Variants in HLF observed in about 807,000 individuals in gnomAD.
The protein encoded by HLF is hepatic leukemia factor.
A neutral mutation model predicts 22.6 loss-of-function variants in HLF; 3 were observed. The observed-to-expected ratio is 0.13, with a 90% CI of 0.06 to 0.34. HLF has a LOEUF of 0.34. HLF is among the 10% of genes least tolerant of loss of function. The pLI, the probability that HLF is intolerant of heterozygous loss-of-function variation, is 1.00. For missense variants in HLF, 299 were observed against 389.2 expected (o/e 0.77, Z 1.95); for synonymous variants, 151 against 151.8 (o/e 0.99, Z 0.04).
chr17:55,304,975 C>T (rs922508696), intron 2 of HLF, among the ~76,000 whole-genome samples: 1 of 152,220 alleles, frequency 6.6e-6, no homozygotes, highest in African/African-American at 2.4e-5. Flanking sequence ...GAAAGGGGCT[C>T]AGGCCAGAGT....
At chr17:55,299,078 A>G (rs2081134375) in intron 2 of HLF, among the ~76,000 whole-genome samples, 1 of 152,242 alleles carries the variant, frequency 6.6e-6, no homozygotes, top group Non-Finnish European at 1.5e-5. Context: ...GAATACTTAC[A>G]TGAAGCAGAC....
intron 3 of HLF, chr17:55,318,813 C>G (rs1211843392): frequency 1.3e-5 from 2 of 152,372 alleles, no homozygotes; most frequent in Non-Finnish European, 2.9e-5. Context: ...TAACTTCCAT[C>G]AGAACTGGAG....
At position 55,321,716 on chromosome 17, in the gene HLF, G is replaced by A. The variant is rs1905268711; in HGVS notation, c.*837G>A. On this transcript the variant is annotated 3_prime_UTR_variant, in exon 4 of 4. Coordinates refer to ENST00000226067, the MANE Select transcript of HLF (RefSeq NM_002126.5). ...TTTAAAAAACAAAAAGTAAAGTAATGCATTTGAGCATGGCCAGACTATTCC... is the reference window on the plus strand; with the variant it reads ...TTTAAAAAACAAAAAGTAAAGTAATACATTTGAGCATGGCCAGACTATTCC... The A allele has an allele frequency of 4.4e-6, 1 of 229,658 alleles. No individual in the cohort carries two copies. Among genetic ancestry groups the A allele is most frequent in the Non-Finnish European group, 8.6e-6 (1 of 115,634 alleles). 14.2% of individuals were successfully genotyped at this position (229,658 alleles called of 1,614,324 possible).
chr17:55,297,412 A>G (rs1372218816), intron 2 of HLF, among the ~76,000 whole-genome samples: 1 of 152,206 alleles, frequency 6.6e-6, no homozygotes, highest in Non-Finnish European at 1.5e-5. Context: ...AGGTTGGCAC[A>G]TAGCTTTGGG....
At chr17:55,294,393 G>A (rs1750611643) in intron 2 of HLF, among the ~76,000 whole-genome samples, 1 of 152,202 alleles carries the variant, frequency 6.6e-6, no homozygotes, top group African/African-American at 2.4e-5. Context: ...TCAGCCAGGT[G>A]AGTGGAGGAA....
At chr17:55,288,730 T>TG (rs2081030568) in intron 2 of HLF, among the ~76,000 whole-genome samples, 2 of 148,580 alleles carry the variant, frequency 1.3e-5, no homozygotes, top group Non-Finnish European at 3.0e-5. Flanking sequence ...TACTCCAGCC[T>TG]GGGCAACAGA....
intron 2 of HLF, among the ~76,000 whole-genome samples, chr17:55,305,197 C>G (rs1840081818): frequency 6.6e-6 from 1 of 152,206 alleles, no homozygotes; most frequent in Non-Finnish European, 1.5e-5. Context: ...CTGGCCTATC[C>G]AGAAGCTCCT....
In HLF at chr17:55,321,209, A is replaced by G; in HGVS notation, c.*330A>G. The G allele has an allele frequency of 3.5e-6, 1 of 283,770 alleles. No individual in the cohort carries two copies. The highest frequency in any genetic ancestry group is 6.7e-6 in the Non-Finnish European group (1 of 149,486). 17.6% of individuals were successfully genotyped at this position (283,770 alleles called of 1,614,324 possible). Reference sequence around the variant, plus strand: ...GGGTCTCCCATCCCCTCCCTCCTTCACTCCTGCCTCCTCAGCTTTGCTTCA... The same window carrying G: ...GGGTCTCCCATCCCCTCCCTCCTTCGCTCCTGCCTCCTCAGCTTTGCTTCA... On this transcript the variant is annotated 3_prime_UTR_variant, in exon 4 of 4. Coordinates refer to ENST00000226067, the MANE Select transcript of HLF (RefSeq NM_002126.5).
chr17:55,298,890 A>G (rs938928212), intron 2 of HLF, among the ~76,000 whole-genome samples: 1 of 152,222 alleles, frequency 6.6e-6, no homozygotes, highest in Non-Finnish European at 1.5e-5. Context: ...TGCATGCTCA[A>G]TGAATGTTAA....
Position 55,321,209 on chromosome 17 carries a change from A to T in HLF, c.*330A>T. ...GGGTCTCCCATCCCCTCCCTCCTTC[A>T]CTCCTGCCTCCTCAGCTTTGCTTCA... On this transcript the variant is annotated 3_prime_UTR_variant, in exon 4 of 4. Coordinates refer to ENST00000226067, the MANE Select transcript of HLF (RefSeq NM_002126.5). The T allele has an allele frequency of 7.0e-6, 2 of 283,770 alleles. No individual in the cohort carries two copies. Among genetic ancestry groups the T allele is most frequent in the Non-Finnish European group, 6.7e-6 (1 of 149,486 alleles). The allele number at this position is 283,770 out of a possible 1,614,324, so 17.6% of individuals were successfully genotyped here.
chr17:55,305,476 G>C (rs1904503526), intron 2 of HLF, among the ~76,000 whole-genome samples: 5 of 152,232 alleles, frequency 3.3e-5, no homozygotes, highest in Non-Finnish European at 1.5e-5. Flanking sequence ...TATTGGGCTA[G>C]AGTGGAGGGG....
At chr17:55,299,019 C>G (rs2081133851) in intron 2 of HLF, among the ~76,000 whole-genome samples, 1 of 152,150 alleles carries the variant, frequency 6.6e-6, no homozygotes, top group Non-Finnish European at 1.5e-5. Flanking sequence ...CCCATGATAC[C>G]TCATCACAAA....
intron 2 of HLF, among the ~76,000 whole-genome samples, chr17:55,281,903 C>T (rs1461221402): frequency 1.3e-5 from 2 of 152,094 alleles, no homozygotes; most frequent in Non-Finnish European, 2.9e-5. Flanking sequence ...AAATAACAGG[C>T]GTTGATAAAG....
chr17:55,319,563 G>T (rs1905191070), intron 3 of HLF, among the ~76,000 whole-genome samples: 1 of 151,934 alleles, frequency 6.6e-6, no homozygotes, highest in African/African-American at 2.4e-5. Context: ...AGCAGTGGGG[G>T]TGGAGGGCAG....
intron 2 of HLF, among the ~76,000 whole-genome samples, chr17:55,304,362 G>C (rs915880367): frequency 1.4e-4 from 21 of 152,176 alleles, no homozygotes; most frequent in South Asian, 6.2e-4. Flanking sequence ...GCAATGGCGA[G>C]AAGGCTCATG....
intron 2 of HLF, among the ~76,000 whole-genome samples, chr17:55,295,909 A>C (rs2081108016): frequency 6.6e-6 from 1 of 152,202 alleles, no homozygotes. Flanking sequence ...AACATTTCCC[A>C]GGGTTATATT....
At chr17:55,295,824 G>T (rs2081107070) in intron 2 of HLF, among the ~76,000 whole-genome samples, 2 of 152,174 alleles carry the variant, frequency 1.3e-5, no homozygotes, top group African/African-American at 4.8e-5. Context: ...GAGTAAATCA[G>T]AGAAAAGACA....
rs185431094 is a variant in HLF at position 55,308,770 on chromosome 17, C to T, written c.452-6457C>T. ...GTCTCCATTGCAATGAGAATGTTTA[C>T]CAGACAATCACAGAAACTCACCGTA... On this transcript the variant is annotated intron_variant, in intron 2 of 3. Transcript: ENST00000226067. Among the ~76,000 whole-genome samples the T allele has an allele frequency of 5.4e-3, 824 of 152,268 alleles. 7 individuals are homozygous for T. The highest frequency in any genetic ancestry group is 0.019 in the African/African-American group (776 of 41,550).
At chr17:55,302,064 CCCAA>C (rs1207483551) in intron 2 of HLF, among the ~76,000 whole-genome samples, 3 of 152,196 alleles carry the variant, frequency 2.0e-5, no homozygotes, top group Non-Finnish European at 4.4e-5. Context: ...GTCTCATTTT[CCCAA>C]CCTGCCTGGG....
Sources: allele counts gnomAD v4.1 joint callset (sites outside exome capture counted in the v4.1 genomes callset), GRCh38; gene constraint gnomAD v4.1.1; transcripts MANE v1.5; gene names NCBI Gene and HGNC (gene_info 2026-07-23, HGNC 2026-07-21).